Variants in ATP6V1A observed in about 807,000 individuals in gnomAD.
ATP6V1A encodes the protein V-type proton ATPase catalytic subunit A.
A neutral mutation model predicts 70.1 loss-of-function variants in ATP6V1A; 18 were observed. That is an observed-to-expected ratio of 0.26 (90% CI 0.18 to 0.38). ATP6V1A has a LOEUF of 0.38. ATP6V1A is among the 10% of genes least tolerant of loss of function. The pLI, the probability that ATP6V1A is intolerant of heterozygous loss-of-function variation, is 1.00. For missense variants in ATP6V1A, 424 were observed against 772.4 expected (o/e 0.55, Z 5.35); for synonymous variants, 232 against 253.8 (o/e 0.91, Z 0.82).
chr3:113,801,737 A>C (rs1307366814), intron 12 of ATP6V1A, among the ~76,000 whole-genome samples: 1 of 152,218 alleles, frequency 6.6e-6, no homozygotes, highest in Non-Finnish European at 1.5e-5. Flanking sequence ...GTTGCACAGC[A>C]GCATGGGTGG....
Position 113,809,477 on chromosome 3 carries a change from T to C in ATP6V1A, c.*50T>C, listed in dbSNP as rs764851502. On this transcript the variant is annotated 3_prime_UTR_variant, in exon 15 of 15. Transcript: ENST00000273398. Reference sequence around the variant, plus strand: ...TTTCCTTTTCCTCAGCAAGCTCCTATGTGTATATTTTCCTGAATTTCTCAT... The same window carrying C: ...TTTCCTTTTCCTCAGCAAGCTCCTACGTGTATATTTTCCTGAATTTCTCAT... The C allele has an allele frequency of 7.2e-6, 11 of 1,523,776 alleles. No homozygotes were observed. Among genetic ancestry groups the C allele is most frequent in the Non-Finnish European group, 9.9e-6 (11 of 1,108,264 alleles). 94.4% of individuals were successfully genotyped at this position (1,523,776 alleles called of 1,614,324 possible).
intron 12 of ATP6V1A, among the ~76,000 whole-genome samples, chr3:113,801,621 G>A (rs1311085435): frequency 4.6e-5 from 7 of 152,120 alleles, no homozygotes; most frequent in African/African-American, 1.4e-4. Context: ...TGGGGAATTG[G>A]AAGAAATCTG....
intron 1 of ATP6V1A, among the ~76,000 whole-genome samples, chr3:113,771,690 GCTT>G (rs1708842759): frequency 6.6e-6 from 1 of 152,002 alleles, no homozygotes; most frequent in Admixed American, 6.6e-5. Flanking sequence ...GCCTGCCTCG[GCTT>G]CCCAAAGTGC....
rs772535553 is a variant in ATP6V1A, at chr3:113,809,433, T to G, written c.*6T>G. On this transcript the variant is annotated 3_prime_UTR_variant, in exon 15 of 15. Transcript: ENST00000273398. Reference sequence around the variant, plus strand: ...TCCGTAGCCTTGAAGATTAGAAGCCTTGAAGATTACAACTGTGATTTCCTT... The same window carrying G: ...TCCGTAGCCTTGAAGATTAGAAGCCGTGAAGATTACAACTGTGATTTCCTT... 2.5e-6 allele frequency: 4 copies of G among 1,610,242 alleles called. No homozygotes were observed. The highest frequency in any genetic ancestry group is 3.4e-6 in the Non-Finnish European group (4 of 1,177,346).
chr3:113,809,095 G>GA (rs140365108), intron 14 of ATP6V1A, among the ~76,000 whole-genome samples: 49,403 of 149,554 alleles, frequency 0.33, 8,234 homozygotes, highest in Non-Finnish European at 0.36. Flanking sequence ...CTAAAAATAT[G>GA]AAAAAAAAAA....
chr3:113,783,134 C>T (rs1470471147), intron 3 of ATP6V1A, among the ~76,000 whole-genome samples: 3 of 151,728 alleles, frequency 2.0e-5, no homozygotes, highest in African/African-American at 7.3e-5. Flanking sequence ...AACTCTGGTT[C>T]TTTTTTTTAC....
Position 113,772,906 on chromosome 3 carries a change from A to T in ATP6V1A, c.-13-5835A>T, listed in dbSNP as rs1476627367. Among the ~76,000 whole-genome samples the T allele has an allele frequency of 2.1e-5, 3 of 145,038 alleles. No individual in the cohort carries two copies. In the Admixed American group the frequency reaches 2.1e-4, roughly 10 times the overall value. ...TAAATTACTCAGAATCAGAATCATCATCATTTTTTTCTCCACTTAATATTG... is the reference window on the plus strand; with the variant it reads ...TAAATTACTCAGAATCAGAATCATCTTCATTTTTTTCTCCACTTAATATTG... On this transcript the variant is annotated intron_variant, in intron 1 of 14. Transcript: ENST00000273398.
At chr3:113,791,054 G>T (rs553620117) in intron 8 of ATP6V1A, among the ~76,000 whole-genome samples, 1 of 151,780 alleles carries the variant, frequency 6.6e-6, no homozygotes, top group South Asian at 2.1e-4. Flanking sequence ...AATTTTTCTG[G>T]ATACATAATG....
intron 8 of ATP6V1A, among the ~76,000 whole-genome samples, chr3:113,793,353 G>A (rs953242946): frequency 2.6e-5 from 4 of 152,118 alleles, no homozygotes; most frequent in Admixed American, 1.3e-4. Flanking sequence ...TTGAGCCACC[G>A]CGCCTGGCCA....
In ATP6V1A at chr3:113,809,431, C is replaced by T. The variant is rs80048233; in HGVS notation, c.*4C>T. 5.6e-3 allele frequency: 8,945 copies of T among 1,610,360 alleles called. 254 individuals are homozygous for T. The South Asian group carries it at 0.056, about 10-fold the overall frequency. On this transcript the variant is annotated 3_prime_UTR_variant, in exon 15 of 15. Coordinates refer to ENST00000273398, the MANE Select transcript of ATP6V1A (RefSeq NM_001690.4). ...ATTCCGTAGCCTTGAAGATTAGAAG[C>T]CTTGAAGATTACAACTGTGATTTCC...
intron 1 of ATP6V1A, among the ~76,000 whole-genome samples, chr3:113,771,476 C>T (rs955498425): frequency 3.8e-5 from 5 of 130,754 alleles, no homozygotes; most frequent in African/African-American, 6.0e-5. Context: ...CTCGCTCTGT[C>T]GCCCAGGCTG....
chr3:113,796,071 T>A (rs1709150629), intron 11 of ATP6V1A, 132 bp downstream of exon 11: 11 of 761,078 alleles, frequency 1.4e-5, no homozygotes, highest in Non-Finnish European at 2.2e-5. Flanking sequence ...AATGGTAAAG[T>A]CTGGTTTAGA....
intron 1 of ATP6V1A, among the ~76,000 whole-genome samples, chr3:113,751,701 T>G (rs937507203): frequency 6.6e-5 from 10 of 151,100 alleles, no homozygotes; most frequent in African/African-American, 1.9e-4. Flanking sequence ...ATACTATATA[T>G]AGAGTAAATA....
chr3:113,806,525 C>T (rs1008053879), intron 14 of ATP6V1A, among the ~76,000 whole-genome samples: 4 of 151,776 alleles, frequency 2.6e-5, no homozygotes, highest in Non-Finnish European at 5.9e-5. Context: ...GTGGCACAAT[C>T]TCGGCTCACT....
chr3:113,785,937 A>T (rs1709034832), intron 5 of ATP6V1A, among the ~76,000 whole-genome samples: 1 of 145,346 alleles, frequency 6.9e-6, no homozygotes. Flanking sequence ...TACTGGGCTT[A>T]AGCAATCCTC....
At chr3:113,776,369 AAAAAAC>A (rs923325889) in intron 1 of ATP6V1A, among the ~76,000 whole-genome samples, 3 of 152,176 alleles carry the variant, frequency 2.0e-5, no homozygotes, top group South Asian at 2.1e-4. Context: ...ACTTGTCTCA[AAAAAAC>A]AAAAACAAAA....
intron 14 of ATP6V1A, among the ~76,000 whole-genome samples, chr3:113,809,119 A>T (rs1709312085): frequency 6.6e-6 from 1 of 151,784 alleles, no homozygotes; most frequent in African/African-American, 2.4e-5. Context: ...GCTGGGCGTG[A>T]TGGTGGGCGC....
chr3:113,802,342 T>G (rs1709222665), intron 12 of ATP6V1A, among the ~76,000 whole-genome samples: 1 of 152,172 alleles, frequency 6.6e-6, no homozygotes, highest in Non-Finnish European at 1.5e-5. Context: ...ATTAATTAAT[T>G]TATTTATTTG....
intron 1 of ATP6V1A, among the ~76,000 whole-genome samples, chr3:113,757,003 T>C (rs1708653341): frequency 6.6e-6 from 1 of 152,188 alleles, no homozygotes; most frequent in African/African-American, 2.4e-5. Context: ...ATCCACAAAT[T>C]ATTTTGAATA....
Sources: allele counts gnomAD v4.1 joint callset (sites outside exome capture counted in the v4.1 genomes callset), GRCh38; gene constraint gnomAD v4.1.1; transcripts MANE v1.5; gene names NCBI Gene and HGNC (gene_info 2026-07-23, HGNC 2026-07-21).